The following NAA15 variants were observed in gnomAD, a reference collection of about 807,000 sequenced individuals.
NAA15 encodes N-terminal acetyltransferase.
Under a neutral mutation model 114.0 loss-of-function variants are expected in NAA15, and 34 were observed. The observed-to-expected ratio is 0.30, with a 90% CI of 0.23 to 0.40. The LOEUF is 0.40. Ranked by LOEUF, NAA15 falls within the 10% of genes least tolerant of loss-of-function variation. The probability of loss-of-function intolerance (pLI) is 1.00; values close to 1 mark genes in which losing one functional copy is unlikely to be tolerated. For synonymous variants in NAA15, 340 were observed against 338.0 expected, an observed-to-expected ratio of 1.01 and a Z score of -0.06; for missense variants, 658 against 1,004.5, an observed-to-expected ratio of 0.66 and a Z score of 4.66.
chr4:139,317,611 A>G (rs140295670), intron 1 of NAA15, among the ~76,000 whole-genome samples: 1 of 152,326 alleles, frequency 6.6e-6, no homozygotes, highest in Non-Finnish European at 1.5e-5. Context: ...ACAGAGCAAG[A>G]CACTGTCTTG....
At chr4:139,350,802 C>G (rs1747754371) in intron 7 of NAA15, among the ~76,000 whole-genome samples, 1 of 152,110 alleles carries the variant, frequency 6.6e-6, no homozygotes, top group African/African-American at 2.4e-5. Flanking sequence ...GAAAAACCTA[C>G]TTACTAAAAT....
At chr4:139,336,462 G>A (rs1747203519) in intron 2 of NAA15, among the ~76,000 whole-genome samples, 1 of 151,778 alleles carries the variant, frequency 6.6e-6, no homozygotes, top group African/African-American at 2.4e-5. Context: ...TATAACCTAG[G>A]TTCACAGAAA....
chr4:139,372,443 C>T (rs1748468050), intron 15 of NAA15, among the ~76,000 whole-genome samples: 1 of 152,190 alleles, frequency 6.6e-6, no homozygotes, highest in Admixed American at 6.5e-5. Flanking sequence ...AACGGTGCTT[C>T]TGACTGCTTT....
intron 1 of NAA15, among the ~76,000 whole-genome samples, chr4:139,315,484 C>T (rs932113766): frequency 6.6e-6 from 1 of 151,842 alleles, no homozygotes; most frequent in East Asian, 1.9e-4. Flanking sequence ...TGCCACTGCA[C>T]TCCAGCCTGA....
intron 14 of NAA15, among the ~76,000 whole-genome samples, chr4:139,367,102 A>G (rs980269698): frequency 1.7e-4 from 26 of 152,200 alleles, no homozygotes; most frequent in Admixed American, 1.2e-3. Context: ...TTCTTTTAAT[A>G]TGAAATCCTG....
intron 16 of NAA15, among the ~76,000 whole-genome samples, chr4:139,377,536 C>G (rs572932037): frequency 2.7e-4 from 36 of 133,858 alleles, no homozygotes; most frequent in Non-Finnish European, 4.2e-4. Flanking sequence ...CAAACTCCAT[C>G]TCAAAAAAAA....
At chr4:139,324,367 G>A (rs1746720607) in intron 1 of NAA15, among the ~76,000 whole-genome samples, 1 of 152,132 alleles carries the variant, frequency 6.6e-6, no homozygotes, top group South Asian at 2.1e-4. Context: ...TAGATACTCT[G>A]GCATTTCTTC....
At chr4:139,341,198 C>A in intron 4 of NAA15, 129 bp downstream of exon 4, 1 of 614,760 alleles carries the variant, frequency 1.6e-6, no homozygotes, top group Non-Finnish European at 2.5e-6. Flanking sequence ...TTCCTCCTAC[C>A]ACAGTGGTTA....
In NAA15 at chr4:139,301,756, A is replaced by C; in HGVS notation, c.-22A>C. The C allele has an allele frequency of 6.4e-7, 1 of 1,558,936 alleles. No homozygotes were observed. The highest frequency in any genetic ancestry group is 1.2e-5 in the South Asian group (1 of 85,128). ...ACTGACCGAGCCGGGTGGTGGCGGG[A>C]GCAGCGGGAGCAGCCGGAACGATGC... On this transcript the variant is annotated 5_prime_UTR_variant, in exon 1 of 20. Coordinates refer to ENST00000296543, the MANE Select transcript of NAA15 (RefSeq NM_057175.5).
chr4:139,384,548 G>T (rs1017044989), intron 17 of NAA15, among the ~76,000 whole-genome samples: 6 of 151,938 alleles, frequency 3.9e-5, no homozygotes, highest in African/African-American at 1.5e-4. Context: ...GTTTTATCTT[G>T]TCTTTGTATA....
intron 1 of NAA15, among the ~76,000 whole-genome samples, chr4:139,309,426 AGTGTGTGTGTGTGTGTGTGT>A (rs70943412): frequency 4.2e-5 from 6 of 143,580 alleles, no homozygotes; most frequent in African/African-American, 1.1e-4. Flanking sequence ...TTGCTTTTTA[AGTGTGTGTGTGTGTGTGTGT>A]GTGTGTGTGT....
At chr4:139,372,170 C>G (rs1031904618) in intron 15 of NAA15, among the ~76,000 whole-genome samples, 2 of 152,212 alleles carry the variant, frequency 1.3e-5, no homozygotes, top group African/African-American at 4.8e-5. Context: ...CCCGCCTCAG[C>G]CTCCCAAAGT....
chr4:139,301,768 A>G lies in NAA15; in HGVS notation c.-10A>G, dbSNP rs992220772. 6.4e-7 allele frequency: 1 copy of G among 1,570,362 alleles called. No individual in the cohort carries two copies. The highest frequency in any genetic ancestry group is 1.8e-5 in the Admixed American group (1 of 54,838). On this transcript the variant is annotated 5_prime_UTR_variant, in exon 1 of 20. Transcript: ENST00000296543. ...GGGTGGTGGCGGGAGCAGCGGGAGC[A>G]GCCGGAACGATGCCGGCCGTGAGCC...
intron 7 of NAA15, among the ~76,000 whole-genome samples, chr4:139,350,388 A>G (rs990010751): frequency 1.3e-5 from 2 of 152,220 alleles, no homozygotes; most frequent in African/African-American, 4.8e-5. Context: ...GGTCACGTAA[A>G]TGTAGCCAGG....
rs576440412 is a variant in NAA15 at position 139,376,893 on chromosome 4, A to G, written c.2056+420A>G. Among the ~76,000 whole-genome samples the G allele has an allele frequency of 7.9e-5, 12 of 152,340 alleles. No homozygotes were observed. In the South Asian group the frequency reaches 2.5e-3, roughly 32 times the overall value. On this transcript the variant is annotated intron_variant, in intron 16 of 19. Coordinates refer to ENST00000296543, the MANE Select transcript of NAA15 (RefSeq NM_057175.5). ...ATCTTGAAGGATGGATTATATTTCT[A>G]AAGGAAAAGATACATAGAAGGCAAG...
chr4:139,369,737 CAAAAA>C (rs1247894181), intron 14 of NAA15, among the ~76,000 whole-genome samples: 1 of 79,238 alleles, frequency 1.3e-5, no homozygotes. Context: ...GACTCCGTCT[CAAAAA>C]AAAAAAAAAA....
rs1381772585 is a variant in NAA15, at chr4:139,389,380, CAG to C, written c.*1299_*1300del. 3.3e-5 allele frequency: 5 copies of C among 152,442 alleles called. No homozygotes were observed. The highest frequency in any genetic ancestry group is 3.3e-4 in the Admixed American group (5 of 15,252). The allele number at this position is 152,442 out of a possible 1,614,324, so 9.4% of individuals were successfully genotyped here. ...CTTCTGTGAAATACACAGGTGGAAA[CAG>C]AGGTGCAAGCCAGAGGCAATGTAAT... On this transcript the variant is annotated 3_prime_UTR_variant, in exon 20 of 20. Coordinates refer to ENST00000296543, the MANE Select transcript of NAA15 (RefSeq NM_057175.5).
intron 1 of NAA15, among the ~76,000 whole-genome samples, chr4:139,319,061 G>C (rs995672110): frequency 6.6e-5 from 10 of 151,962 alleles, no homozygotes; most frequent in African/African-American, 2.4e-4. Context: ...GGCCAAGGCT[G>C]GTGGACCAGC....
rs1298968922 is a variant in NAA15, at chr4:139,342,974, G to A, written c.537+14G>A. On this transcript the variant is annotated intron_variant, in intron 5 of 19. Transcript: ENST00000296543. The stretch of plus-strand genomic sequence containing the variant: ...AAAACACAACAGGTAATAACTAGAA[G>A]CCATTTTACTAAGTCTGATCCTAAG... 4.4e-6 allele frequency: 7 copies of A among 1,605,572 alleles called. No homozygotes were observed. In the Admixed American group the frequency reaches 1.2e-4, roughly 27 times the overall value.
Sources: allele counts gnomAD v4.1 joint callset (sites outside exome capture counted in the v4.1 genomes callset), GRCh38; gene constraint gnomAD v4.1.1; transcripts MANE v1.5; gene names NCBI Gene and HGNC (gene_info 2026-07-23, HGNC 2026-07-21).